Variants in C9orf85 observed in about 807,000 individuals in gnomAD.
The protein encoded by C9orf85 is chromosome 9 open reading frame 85.
In C9orf85, 16 loss-of-function variants were observed where a neutral mutation model predicts 14.9. The ratio of observed to expected loss-of-function variants is 1.08; its 90% CI spans 0.73 to 1.63. The LOEUF (loss-of-function observed/expected upper bound fraction) is 1.63, where lower values mean the gene tolerates loss of function less well. Ranked by LOEUF, C9orf85 falls within the 40% of genes most tolerant of loss-of-function variation. The pLI is 0.00. For missense variants in C9orf85, 172 were observed against 186.1 expected (o/e 0.92, Z 0.44); for synonymous variants, 45 against 56.8 (o/e 0.79, Z 0.93).
At chr9:71,969,533 A>G (rs927807953) in intron 2 of C9orf85, among the ~76,000 whole-genome samples, 1 of 152,058 alleles carries the variant, frequency 6.6e-6, no homozygotes, top group Non-Finnish European at 1.5e-5. Context: ...AATTATATTG[A>G]TCTTTTCAAA....
At chr9:71,961,124 C>G (rs539850824) in intron 2 of C9orf85, among the ~76,000 whole-genome samples, 11 of 151,946 alleles carry the variant, frequency 7.2e-5, no homozygotes, top group Non-Finnish European at 1.6e-4. Flanking sequence ...GTTGGTCAGG[C>G]TGGTCTCAAA....
intron 2 of C9orf85, among the ~76,000 whole-genome samples, chr9:71,961,859 A>G (rs778077158): frequency 3.3e-5 from 5 of 152,182 alleles, no homozygotes; most frequent in Non-Finnish European, 5.9e-5. Flanking sequence ...TTCATAAACT[A>G]CACTTGGTCA....
chr9:71,932,473 A>G (rs1828092457), intron 1 of C9orf85, among the ~76,000 whole-genome samples: 2 of 152,222 alleles, frequency 1.3e-5, no homozygotes, highest in African/African-American at 4.8e-5. Context: ...GTAGGGTCTT[A>G]TAGACACTAG....
intron 1 of C9orf85, among the ~76,000 whole-genome samples, chr9:71,924,469 G>A (rs757506855): frequency 2.0e-5 from 3 of 152,106 alleles, no homozygotes; most frequent in African/African-American, 7.2e-5. Flanking sequence ...ATTTCTTCTT[G>A]TAGTTGATGG....
intron 2 of C9orf85, among the ~76,000 whole-genome samples, chr9:71,969,902 T>C (rs1398949877): frequency 1.3e-5 from 2 of 152,104 alleles, no homozygotes; most frequent in Non-Finnish European, 2.9e-5. Context: ...TTTTGTTAAT[T>C]TCACTGTGGC....
At chr9:71,977,565 T>C (rs932335404), downstream of C9orf85, among the ~76,000 whole-genome samples, 6 of 152,256 alleles carry the variant, frequency 3.9e-5, no homozygotes, top group Admixed American at 1.3e-4. Flanking sequence ...AACTGATAGA[T>C]GTCACATTTA....
chr9:71,944,781 C>T (rs1822039534), intron 1 of C9orf85, among the ~76,000 whole-genome samples: 1 of 152,040 alleles, frequency 6.6e-6, no homozygotes, highest in African/African-American at 2.4e-5. Context: ...AAGTACTATT[C>T]TTTCTCATTC....
At chr9:71,914,571 G>A (rs1188296581) in intron 1 of C9orf85, among the ~76,000 whole-genome samples, 2 of 152,094 alleles carry the variant, frequency 1.3e-5, no homozygotes, top group Non-Finnish European at 2.9e-5. Context: ...TTAGAAGTTG[G>A]ATAATTACAG....
chr9:71,931,486 G>A (rs1388552317), intron 1 of C9orf85, among the ~76,000 whole-genome samples: 1 of 152,152 alleles, frequency 6.6e-6, no homozygotes, highest in East Asian at 1.9e-4. Flanking sequence ...GCTCTCAATG[G>A]TGAAATTAAA....
chr9:71,973,650 A>G (rs1358232612), downstream of C9orf85, among the ~76,000 whole-genome samples: 1 of 152,080 alleles, frequency 6.6e-6, no homozygotes, highest in African/African-American at 2.4e-5. Flanking sequence ...ATTTTTTATA[A>G]TAATTATAAA....
chr9:71,912,603 C>T (rs1827537466), intron 1 of C9orf85, among the ~76,000 whole-genome samples: 1 of 151,860 alleles, frequency 6.6e-6, no homozygotes, highest in Admixed American at 6.6e-5. Flanking sequence ...AAAAATTAGC[C>T]GGGCGTGGTG....
intron 1 of C9orf85, among the ~76,000 whole-genome samples, chr9:71,917,400 G>C (rs1234507064): frequency 6.6e-6 from 1 of 152,184 alleles, no homozygotes; most frequent in Admixed American, 6.5e-5. Context: ...TGTGAAAGTA[G>C]ATACTAATTT....
intron 1 of C9orf85, among the ~76,000 whole-genome samples, chr9:71,913,392 A>G (rs1396765057): frequency 1.3e-5 from 2 of 152,224 alleles, no homozygotes; most frequent in African/African-American, 4.8e-5. Flanking sequence ...TCTAGGTGAT[A>G]TGGGCAAAAA....
rs866450631 is a variant in C9orf85 at position 71,938,410 on chromosome 9, T to A, written c.103-8596T>A. The stretch of plus-strand genomic sequence containing the variant: ...CTCATTCTAAGTTTGGTCATTTTTT[T>A]AAAAATATAAGTCAGTTGAGTTGAG... On this transcript the variant is annotated intron_variant, in intron 1 of 3. Transcript: ENST00000334731. Among the ~76,000 whole-genome samples, 82 of 152,184 alleles carry A rather than the reference T, an allele frequency of 5.4e-4. No homozygotes were observed. In the Middle Eastern group the frequency reaches 0.027, roughly 51 times the overall value.
At chr9:71,948,121 A>T (rs1822145800) in intron 2 of C9orf85, among the ~76,000 whole-genome samples, 1 of 152,214 alleles carries the variant, frequency 6.6e-6, no homozygotes, top group Admixed American at 6.6e-5. Context: ...ACATTATAAG[A>T]TTTAATTTGG....
intron 1 of C9orf85, among the ~76,000 whole-genome samples, chr9:71,940,325 A>G (rs976807376): frequency 2.6e-5 from 4 of 152,116 alleles, no homozygotes; most frequent in East Asian, 3.9e-4. Flanking sequence ...TCCCAACTAC[A>G]TGGGAGGCTT....
intron 1 of C9orf85, among the ~76,000 whole-genome samples, chr9:71,940,384 T>C (rs1218752577): frequency 6.6e-6 from 1 of 152,140 alleles, no homozygotes; most frequent in Non-Finnish European, 1.5e-5. Flanking sequence ...CAGTGAGCTA[T>C]GATCATGCCA....
rs1822083288 is a variant in C9orf85 at position 71,946,272 on chromosome 9, TCA to T, written c.103-733_103-732del. On this transcript the variant is annotated intron_variant, in intron 1 of 3. Transcript: ENST00000334731. ...CCTCAAATTTCAGTCTCTGTTCTCT[TCA>T]ACAAACTGACAATTCAGGACAGCCC... Among the ~76,000 whole-genome samples, 3 of 152,336 alleles carry T rather than the reference TCA, an allele frequency of 2.0e-5. No homozygotes were observed. The South Asian group carries it at 6.2e-4, about 32-fold the overall frequency.
At chr9:71,955,565 C>T (rs1451827313) in intron 2 of C9orf85, among the ~76,000 whole-genome samples, 1 of 152,188 alleles carries the variant, frequency 6.6e-6, no homozygotes, top group African/African-American at 2.4e-5. Context: ...TTTGAACCTA[C>T]TTTGAACAAT....
Sources: gnomAD v4.1 joint callset for allele counts (sites outside exome capture counted in the v4.1 genomes callset) on GRCh38, gnomAD v4.1.1 for gene constraint, MANE v1.5 for transcripts, NCBI Gene and HGNC (gene_info 2026-07-23, HGNC 2026-07-21) for gene names.